SUGCT: variants seen among roughly 807,000 people sequenced by gnomAD.
The protein encoded by SUGCT is succinyl-CoA:glutarate CoA-transferase.
A neutral mutation model predicts 55.0 loss-of-function variants in SUGCT; 41 were observed. The observed-to-expected ratio is 0.74, with a 90% confidence interval of 0.58 to 0.97. The LOEUF is 0.97. Among genes scored for constraint, SUGCT ranks in the 50% least tolerant of loss-of-function variants. The probability of loss-of-function intolerance (pLI) is 0.00; values close to 1 mark genes in which losing one functional copy is unlikely to be tolerated. For synonymous variants in SUGCT, 187 were observed against 200.4 expected (o/e 0.93, Z 0.56); for missense variants, 568 against 547.8 (o/e 1.04, Z -0.37).
the SUGCT span, among the ~76,000 whole-genome samples, chr7:40,937,910 T>G: frequency 2.6e-5 from 4 of 152,230 alleles, no homozygotes; most frequent in Non-Finnish European, 4.4e-5. Flanking sequence ...GGGATGAAAC[T>G]ATTCCACCTC....
At chr7:40,335,513 G>C (rs1796634593) in intron 9 of SUGCT, among the ~76,000 whole-genome samples, 1 of 151,882 alleles carries the variant, frequency 6.6e-6, no homozygotes, top group Non-Finnish European at 1.5e-5. Context: ...TGAAGCAATT[G>C]TGAATGGGAG....
chr7:40,879,488 T>C, the SUGCT span, among the ~76,000 whole-genome samples: 1 of 152,166 alleles, frequency 6.6e-6, no homozygotes, highest in South Asian at 2.1e-4. Context: ...AAATCAACAG[T>C]CCCTTAACAT....
At chr7:40,983,124 C>T in the SUGCT span, among the ~76,000 whole-genome samples, 1 of 152,276 alleles carries the variant, frequency 6.6e-6, no homozygotes, top group Middle Eastern at 3.4e-3. Flanking sequence ...TGTGTTTTAA[C>T]GTTATTGCCC....
chr7:40,389,434 C>G (rs1785292946), intron 9 of SUGCT, among the ~76,000 whole-genome samples: 1 of 143,722 alleles, frequency 7.0e-6, no homozygotes, highest in Non-Finnish European at 1.5e-5. Context: ...CCTGGGCACG[C>G]CTGTCTCAAA....
At chr7:40,666,273 C>A (rs913298089) in intron 12 of SUGCT, among the ~76,000 whole-genome samples, 1 of 151,498 alleles carries the variant, frequency 6.6e-6, no homozygotes, top group Non-Finnish European at 1.5e-5. Flanking sequence ...TCACTTTTAC[C>A]TGGGAGGCGG....
At chr7:40,494,592 A>G (rs1791871865) in intron 11 of SUGCT, among the ~76,000 whole-genome samples, 1 of 152,216 alleles carries the variant, frequency 6.6e-6, no homozygotes, top group Non-Finnish European at 1.5e-5. Context: ...AAAAATCCTT[A>G]TCCATCAAAT....
At chr7:40,188,162 G>C (rs117708232) in intron 3 of SUGCT, among the ~76,000 whole-genome samples, 1 of 151,882 alleles carries the variant, frequency 6.6e-6, no homozygotes, top group African/African-American at 2.4e-5. Context: ...GGATGGGCGC[G>C]GTGGCTCACG....
intron 12 of SUGCT, among the ~76,000 whole-genome samples, chr7:40,557,049 G>C (rs1795593800): frequency 6.6e-6 from 1 of 152,088 alleles, no homozygotes; most frequent in Non-Finnish European, 1.5e-5. Context: ...TCTTGTAAAA[G>C]AACAAAGGTG....
rs1793195147 is a variant in SUGCT, at chr7:40,284,642, GTT to G, written c.720+9987_720+9988del. On this transcript the variant is annotated intron_variant, in intron 8 of 13. Transcript: ENST00000335693. ...AAAAAAAAAATGAGGTGATGTGTATGTTAACTAGCTTGATTTAGTCATCTCAC... is the reference window on the plus strand; with the variant it reads ...AAAAAAAAAATGAGGTGATGTGTATGAACTAGCTTGATTTAGTCATCTCAC... 5.3e-5 allele frequency among the ~76,000 whole-genome samples: 8 copies of G among 149,982 alleles called. No individual in the cohort carries two copies. In the South Asian group the frequency reaches 1.7e-3, roughly 32 times the overall value.
At chr7:40,291,280 A>G (rs961105945) in intron 8 of SUGCT, among the ~76,000 whole-genome samples, 1 of 151,952 alleles carries the variant, frequency 6.6e-6, no homozygotes, top group Non-Finnish European at 1.5e-5. Context: ...GATAGACTGG[A>G]TTAAGAAAAT....
At chr7:40,227,629 T>C (rs1788457928) in intron 6 of SUGCT, among the ~76,000 whole-genome samples, 1 of 152,068 alleles carries the variant, frequency 6.6e-6, no homozygotes, top group East Asian at 1.9e-4. Flanking sequence ...AATTTTTAAT[T>C]GATATATAAT....
chr7:40,832,727 T>C (rs1434542281), intron 13 of SUGCT, among the ~76,000 whole-genome samples: 1 of 150,510 alleles, frequency 6.6e-6, no homozygotes, highest in Non-Finnish European at 1.5e-5. Context: ...CAGGCTGGAG[T>C]GCAGTGGCCC....
intron 7 of SUGCT, among the ~76,000 whole-genome samples, chr7:40,240,058 T>C (rs988423410): frequency 3.9e-5 from 6 of 152,092 alleles, no homozygotes; most frequent in Non-Finnish European, 8.8e-5. Flanking sequence ...TACATGCAAA[T>C]AAAAAGAACT....
At chr7:40,661,288 G>A (rs1440153531) in intron 12 of SUGCT, among the ~76,000 whole-genome samples, 1 of 152,056 alleles carries the variant, frequency 6.6e-6, no homozygotes, top group Non-Finnish European at 1.5e-5. Context: ...AGTGATTCCT[G>A]CCCCTAAAAC....
chr7:40,712,969 C>T (rs1469090109), intron 12 of SUGCT, among the ~76,000 whole-genome samples: 2 of 152,262 alleles, frequency 1.3e-5, no homozygotes, highest in African/African-American at 4.8e-5. Flanking sequence ...CTTACATTCA[C>T]ATGGTGGAAT....
chr7:40,722,456 G>T (rs958969753), intron 12 of SUGCT, among the ~76,000 whole-genome samples: 1 of 152,072 alleles, frequency 6.6e-6, no homozygotes, highest in Non-Finnish European at 1.5e-5. Flanking sequence ...AATGCTCCTT[G>T]GGAATGTTGG....
chr7:40,488,785 C>G (rs898533333), intron 11 of SUGCT, among the ~76,000 whole-genome samples: 10 of 152,126 alleles, frequency 6.6e-5, no homozygotes, highest in African/African-American at 2.4e-4. Flanking sequence ...AATATATCAT[C>G]TCACTCTCTC....
intron 8 of SUGCT, among the ~76,000 whole-genome samples, chr7:40,307,797 C>T (rs1381956376): frequency 9.0e-6 from 1 of 111,450 alleles, no homozygotes; most frequent in Non-Finnish European, 2.2e-5. Context: ...CCTCCTCAAC[C>T]CTAGTTATTC....
intron 12 of SUGCT, among the ~76,000 whole-genome samples, chr7:40,508,716 A>C (rs1340475256): frequency 1.3e-5 from 2 of 152,224 alleles, no homozygotes; most frequent in African/African-American, 4.8e-5. Flanking sequence ...GTTTAAAAAA[A>C]AAATTTTCAC....
Sources: allele counts gnomAD v4.1 joint callset (sites outside exome capture counted in the v4.1 genomes callset), GRCh38; gene constraint gnomAD v4.1.1; transcripts MANE v1.5; gene names NCBI Gene and HGNC (gene_info 2026-07-23, HGNC 2026-07-21).